Variants in PDE10A observed in about 807,000 individuals in gnomAD.
PDE10A encodes phosphodiesterase 10A.
A neutral mutation model predicts 97.7 loss-of-function variants in PDE10A; 39 were observed. The ratio of observed to expected loss-of-function variants is 0.40; its 90% CI spans 0.31 to 0.52. The LOEUF is 0.52. PDE10A is among the 20% of genes least tolerant of loss of function. The pLI is 0.56. For missense variants in PDE10A, 731 were observed against 1,047.8 expected, an observed-to-expected ratio of 0.70 and a Z score of 4.17; for synonymous variants, 371 against 376.8, an observed-to-expected ratio of 0.98 and a Z score of 0.18.
intron 1 of PDE10A, among the ~76,000 whole-genome samples, chr6:165,609,158 G>A (rs1419429848): frequency 6.6e-6 from 1 of 152,118 alleles, no homozygotes; most frequent in African/African-American, 2.4e-5. Flanking sequence ...ATTGCTTTTG[G>A]TGTTTTAGAC....
chr6:165,577,165 T>C (rs143562389), intron 1 of PDE10A, among the ~76,000 whole-genome samples: 54 of 152,320 alleles, frequency 3.5e-4, no homozygotes, highest in South Asian at 1.5e-3. Context: ...TTCCCTATTG[T>C]TTAAGTAATC....
intron 1 of PDE10A, among the ~76,000 whole-genome samples, chr6:165,633,226 T>G (rs1191793163): frequency 6.6e-6 from 1 of 152,180 alleles, no homozygotes. Flanking sequence ...CAAGACACTA[T>G]GCAGCTTTAC....
chr6:165,678,073 G>A (rs947289195), intron 1 of PDE10A, among the ~76,000 whole-genome samples: 21 of 149,356 alleles, frequency 1.4e-4, no homozygotes, highest in Non-Finnish European at 2.8e-4. Context: ...ATGTGTGTTT[G>A]TATAGCTATG....
At chr6:165,502,302 A>G (rs1196290962) in intron 2 of PDE10A, among the ~76,000 whole-genome samples, 1 of 152,186 alleles carries the variant, frequency 6.6e-6, no homozygotes, top group Non-Finnish European at 1.5e-5. Context: ...GCTCTTCAAG[A>G]GACACTGTTA....
At chr6:165,402,937 T>C (rs1786780697) in intron 13 of PDE10A, among the ~76,000 whole-genome samples, 1 of 152,168 alleles carries the variant, frequency 6.6e-6, no homozygotes, top group Non-Finnish European at 1.5e-5. Flanking sequence ...ATAGTAAACC[T>C]AGAGTCACTT....
chr6:165,489,336 A>G (rs148982842), intron 2 of PDE10A, among the ~76,000 whole-genome samples: 4,822 of 152,258 alleles, frequency 0.032, 115 homozygotes, highest in Middle Eastern at 0.075. Context: ...GGTTACATTC[A>G]GAAGATAAAT....
chr6:165,590,912 G>A (rs543743166), intron 1 of PDE10A, among the ~76,000 whole-genome samples: 9 of 152,078 alleles, frequency 5.9e-5, no homozygotes, highest in African/African-American at 2.2e-4. Flanking sequence ...AAAAAAATTA[G>A]ACATTTAACT....
chr6:165,720,330 C>T (rs1186727271), intron 1 of PDE10A, among the ~76,000 whole-genome samples: 1 of 152,174 alleles, frequency 6.6e-6, no homozygotes, highest in Admixed American at 6.5e-5. Context: ...CTATCAGAGT[C>T]ACTGATAGTT....
intron 1 of PDE10A, among the ~76,000 whole-genome samples, chr6:165,712,303 A>T (rs1791914550): frequency 6.6e-6 from 1 of 152,230 alleles, no homozygotes; most frequent in Non-Finnish European, 1.5e-5. Flanking sequence ...ATGCCCGAAG[A>T]GTAGGCTACT....
chr6:165,533,822 A>T (rs975899999), intron 2 of PDE10A, among the ~76,000 whole-genome samples: 2 of 142,482 alleles, frequency 1.4e-5, no homozygotes, highest in African/African-American at 4.9e-5. Context: ...TCACTTCAGA[A>T]ATCAATATAG....
intron 2 of PDE10A, among the ~76,000 whole-genome samples, chr6:165,492,202 T>C (rs1339779580): frequency 6.6e-6 from 1 of 151,940 alleles, no homozygotes; most frequent in Non-Finnish European, 1.5e-5. Context: ...AGCAGCGAGA[T>C]TGAAATGGTA....
intron 1 of PDE10A, among the ~76,000 whole-genome samples, chr6:165,680,303 T>C (rs976263846): frequency 3.9e-5 from 6 of 152,198 alleles, no homozygotes; most frequent in Non-Finnish European, 7.3e-5. Flanking sequence ...TCAAGTGAGT[T>C]GCTGCCACAA....
At chr6:165,606,834 G>A (rs1188087716) in intron 1 of PDE10A, among the ~76,000 whole-genome samples, 1 of 152,138 alleles carries the variant, frequency 6.6e-6, no homozygotes, top group African/African-American at 2.4e-5. Flanking sequence ...GGGCTTAGGT[G>A]GAAGAACAGG....
At chr6:165,862,353 A>G (rs918764237) in intron 1 of PDE10A, among the ~76,000 whole-genome samples, 1 of 152,194 alleles carries the variant, frequency 6.6e-6, no homozygotes, top group African/African-American at 2.4e-5. Context: ...GAGGAAGACT[A>G]TAAATAGGAT....
chr6:165,768,245 T>G (rs1429499943), intron 1 of PDE10A, among the ~76,000 whole-genome samples: 4 of 152,240 alleles, frequency 2.6e-5, no homozygotes, highest in Admixed American at 2.0e-4. Context: ...GGTTGCTTTT[T>G]CACTTTCTTG....
chr6:165,463,787 G>A (rs1778470345), intron 3 of PDE10A, among the ~76,000 whole-genome samples: 1 of 152,192 alleles, frequency 6.6e-6, no homozygotes, highest in South Asian at 2.1e-4. Context: ...GGAGGTTGTG[G>A]GTTTACCGGA....
At chr6:165,738,536 G>C (rs1792639865) in intron 1 of PDE10A, among the ~76,000 whole-genome samples, 2 of 151,928 alleles carry the variant, frequency 1.3e-5, no homozygotes, top group Non-Finnish European at 2.9e-5. Context: ...CCAGTAATGG[G>C]ATGGCTGGAT....
chr6:165,435,183 CTTAA>C (rs1789908950), intron 6 of PDE10A, 50 bp downstream of exon 6: 14 of 1,442,682 alleles, frequency 9.7e-6, no homozygotes, highest in Non-Finnish European at 1.2e-5. Context: ...TGCCATCTTT[CTTAA>C]TTAAATACTT....
chr6:165,448,899 A>T, intron 5 of PDE10A, 29 bp downstream of exon 5: 1 of 1,468,144 alleles, frequency 6.8e-7, no homozygotes, highest in Non-Finnish European at 9.5e-7. Context: ...TCTTATCTAG[A>T]GCACCAAAAT....
Sources: gnomAD v4.1 joint callset for allele counts (sites outside exome capture counted in the v4.1 genomes callset) on GRCh38, gnomAD v4.1.1 for gene constraint, MANE v1.5 for transcripts, NCBI Gene and HGNC (gene_info 2026-07-23, HGNC 2026-07-21) for gene names.